The following LAMC1 variants were observed in gnomAD, a reference collection of about 807,000 sequenced individuals.
The protein encoded by LAMC1 is laminin subunit gamma-1.
In LAMC1, 38 loss-of-function variants were observed where a neutral mutation model predicts 173.6. The observed-to-expected ratio is 0.22, with a 90% CI of 0.17 to 0.29. The LOEUF (loss-of-function observed/expected upper bound fraction) is 0.29, where lower values mean the gene tolerates loss of function less well. LAMC1 is among the 10% of genes least tolerant of loss of function. The pLI is 1.00. For synonymous variants in LAMC1, 746 were observed against 749.1 expected (o/e 1.00, Z 0.07); for missense variants, 1,824 against 2,051.8 (o/e 0.89, Z 2.14).
At chr1:183,116,712 G>A (rs924503685) in intron 7 of LAMC1, 37 bp downstream of exon 7, 4 of 1,609,948 alleles carry the variant, frequency 2.5e-6, no homozygotes, top group Non-Finnish European at 2.6e-6. Flanking sequence ...TGTGTTTTCT[G>A]TTACCATATT....
intron 1 of LAMC1, among the ~76,000 whole-genome samples, chr1:183,064,206 A>T (rs1654808153): frequency 6.6e-6 from 1 of 152,208 alleles, no homozygotes; most frequent in South Asian, 2.1e-4. Flanking sequence ...ATAGTCATGC[A>T]TTACTTAACA....
At position 183,114,589 on chromosome 1, in the gene LAMC1, C is replaced by T. The variant is rs201041731; in HGVS notation, c.1080C>T (p.Ser360=). The change falls in exon 5 of 28, where the codon TCC becomes TCT. Residue 360 remains serine (S), a synonymous_variant. Coordinates refer to ENST00000258341, the MANE Select transcript of LAMC1 (RefSeq NM_002293.4). ...ECYFDPELYR[S]TGHGGHCTNC... ...ACTTCGACCCTGAACTCTATCGTTC[C>T]ACTGGCCATGGGGGCCACTGTACCA... 3.3e-5 allele frequency: 53 copies of T among 1,614,190 alleles called. No homozygotes were observed. The East Asian group carries it at 1.1e-3, about 34-fold the overall frequency.
At chr1:183,117,245 T>G in intron 8 of LAMC1, 75 bp from the exon 9 acceptor site, 1 of 1,497,368 alleles carries the variant, frequency 6.7e-7, no homozygotes, top group East Asian at 2.3e-5. Flanking sequence ...CTTACACATT[T>G]TTATGATACA....
intron 27 of LAMC1, chr1:183,140,734 C>T (rs1301443495): frequency 6.6e-6 from 2 of 301,160 alleles, no homozygotes; most frequent in Non-Finnish European, 1.2e-5. Flanking sequence ...TGCTTCTTTA[C>T]CATACTTATT....
intron 5 of LAMC1, among the ~76,000 whole-genome samples, chr1:183,115,309 C>T (rs1558052625): frequency 1.3e-5 from 2 of 152,038 alleles, no homozygotes; most frequent in Admixed American, 1.3e-4. Flanking sequence ...TAGCATGTGT[C>T]TAGAAACTTA....
rs1657163416 is a variant in LAMC1 at position 183,143,151 on chromosome 1, T to TA, written c.*362dup. On this transcript the variant is annotated 3_prime_UTR_variant, in exon 28 of 28. Coordinates refer to ENST00000258341, the MANE Select transcript of LAMC1 (RefSeq NM_002293.4). The stretch of plus-strand genomic sequence containing the variant: ...AAGTAGCCCTCCCCTGTCTCATCGA[T>TA]ACCAGCAGAACCTCCTCAGTCTCAG... 1 of 187,382 alleles carries TA rather than the reference T, an allele frequency of 5.3e-6. No homozygotes were observed. The highest frequency in any genetic ancestry group is 2.3e-5 in the African/African-American group (1 of 42,602). The allele number at this position is 187,382 out of a possible 1,614,324, so 11.6% of individuals were successfully genotyped here.
chr1:183,142,500 T>C (rs773446642), intron 27 of LAMC1, 34 bp from the exon 28 acceptor site: 1 of 1,570,690 alleles, frequency 6.4e-7, no homozygotes, highest in East Asian at 2.2e-5. Flanking sequence ...ACTGAATATG[T>C]CTGTTCTCTT....
chr1:183,114,659 G>A lies in LAMC1; in HGVS notation c.1150G>A (p.Glu384Lys), dbSNP rs374846876. ...TDGAHCERCR[E>K]NFFRLGNNEA... ...TGGCGCCCACTGTGAGAGGTGCCGA[G>A]AGAACTTCTTCCGCCTTGGCAACAA... Residue 384 changes from glutamate (E) to lysine (K), a missense_variant, in exon 5 of 28, where the codon GAG (glutamate) becomes AAG (lysine). By Grantham distance (56) the Glu-to-Lys change is moderately conservative (BLOSUM62 1). Transcript: ENST00000258341. The A allele has an allele frequency of 1.2e-6, 2 of 1,614,206 alleles. No homozygotes were observed. Among genetic ancestry groups the A allele is most frequent in the Non-Finnish European group, 1.7e-6 (2 of 1,180,032 alleles).
In LAMC1 at chr1:183,125,419, G is replaced by T; in HGVS notation, c.2670G>T (p.Gly890=). 6.2e-7 allele frequency: 1 copy of T among 1,614,118 alleles called. No individual in the cohort carries two copies. Among genetic ancestry groups the T allele is most frequent in the South Asian group, 1.1e-5 (1 of 91,064 alleles). The part of the protein sequence containing the change: ...KCKACNCNLY[G]TMKQQSSCNP... ...TAGCCTGCAATTGCAATCTGTATGG[G>T]ACCATGAAGCAGCAGAGCAGCTGTA... The change falls in exon 15 of 28, where the codon GGG becomes GGT. Residue 890 remains glycine, a synonymous_variant. Transcript: ENST00000258341.
At chr1:183,083,398 C>T (rs10911232) in intron 1 of LAMC1, among the ~76,000 whole-genome samples, 50,807 of 151,966 alleles carry the variant, frequency 0.33, 9,663 homozygotes, top group East Asian at 0.49. Flanking sequence ...AGAATCACAC[C>T]GGAACGAGTT....
In LAMC1 at chr1:183,131,463, T is replaced by G. The variant is rs4047797; in HGVS notation, c.3566+85T>G. On this transcript the variant is annotated intron_variant, in intron 20 of 27. Coordinates refer to ENST00000258341, the MANE Select transcript of LAMC1 (RefSeq NM_002293.4). ...TGTGTGTGTGTGTGTGTGTGTGTAT[T>G]GTCTTATCCCATAACCCATAAACAC... 0.55 allele frequency: 422,079 copies of G among 766,926 alleles called. 129,972 individuals are homozygous for G. Among genetic ancestry groups the G allele is most frequent in the South Asian group, 0.68 (39,738 of 58,512 alleles). 47.5% of individuals were successfully genotyped at this position (766,926 alleles called of 1,614,324 possible).
intron 1 of LAMC1, among the ~76,000 whole-genome samples, chr1:183,038,992 A>C (rs1211379495): frequency 6.6e-6 from 1 of 152,174 alleles, no homozygotes; most frequent in Non-Finnish European, 1.5e-5. Context: ...ATCTCTTACC[A>C]AATAATTTAA....
chr1:183,109,147 A>G (rs1483330789), intron 3 of LAMC1, among the ~76,000 whole-genome samples: 1 of 152,226 alleles, frequency 6.6e-6, no homozygotes, highest in Non-Finnish European at 1.5e-5. Context: ...GTGTTAGACC[A>G]TGAGATCCCA....
intron 1 of LAMC1, among the ~76,000 whole-genome samples, chr1:183,042,860 C>T (rs1654173242): frequency 6.6e-6 from 1 of 152,208 alleles, no homozygotes; most frequent in Non-Finnish European, 1.5e-5. Context: ...TGTACTTACA[C>T]TGATGGGCTC....
Position 183,087,516 on chromosome 1 carries a change from T to A in LAMC1, c.419-15812T>A, listed in dbSNP as rs1182874177. ...AGTGTCATGAGCATCAGACAGTAAT[T>A]ATCTAAATGTCTTCTTTTTAGTAGA... is the stretch of plus-strand genomic sequence containing the variant. On this transcript the variant is annotated intron_variant, in intron 1 of 27. Transcript: ENST00000258341. 2.0e-5 allele frequency among the ~76,000 whole-genome samples: 3 copies of A among 152,196 alleles called. No homozygotes were observed. The East Asian group carries it at 5.8e-4, about 29-fold the overall frequency.
intron 1 of LAMC1, among the ~76,000 whole-genome samples, chr1:183,070,951 G>T (rs1380033603): frequency 6.6e-6 from 1 of 152,174 alleles, no homozygotes; most frequent in Non-Finnish European, 1.5e-5. Flanking sequence ...GCAAGAGTGT[G>T]TGGGAGACAT....
At chr1:183,048,585 G>T (rs187451399) in intron 1 of LAMC1, among the ~76,000 whole-genome samples, 7 of 152,214 alleles carry the variant, frequency 4.6e-5, no homozygotes, top group African/African-American at 1.7e-4. Flanking sequence ...ATTAAAAGGC[G>T]TGTATTTCCT....
chr1:183,067,566 G>A (rs983293071), intron 1 of LAMC1, among the ~76,000 whole-genome samples: 10 of 152,110 alleles, frequency 6.6e-5, no homozygotes, highest in Non-Finnish European at 4.4e-5. Context: ...TTGGCTCACT[G>A]CAACCTCTGC....
chr1:183,119,796 A>G (rs2102088223), intron 11 of LAMC1, among the ~76,000 whole-genome samples: 1 of 152,268 alleles, frequency 6.6e-6, no homozygotes, highest in Middle Eastern at 3.4e-3. Context: ...AAAGAGAAAC[A>G]ATTAACAAGT....
Sources: gnomAD v4.1 joint callset for allele counts (sites outside exome capture counted in the v4.1 genomes callset) on GRCh38, gnomAD v4.1.1 for gene constraint, MANE v1.5 for transcripts, NCBI Gene and HGNC (gene_info 2026-07-23, HGNC 2026-07-21) for gene names.